Variants in ANKRD17 observed in about 807,000 individuals in gnomAD.
ANKRD17 encodes the protein ankyrin repeat domain-containing protein 17.
In ANKRD17, 19 loss-of-function variants were observed where a neutral mutation model predicts 229.7. That is an observed-to-expected ratio of 0.08 (90% CI 0.06 to 0.12). The LOEUF is 0.12. Ranked by LOEUF, ANKRD17 falls within the 10% of genes least tolerant of loss-of-function variation. The pLI, the probability that ANKRD17 is intolerant of heterozygous loss-of-function variation, is 1.00. For missense variants in ANKRD17, 2,176 were observed against 3,176.8 expected (o/e 0.68, Z 7.57); for synonymous variants, 1,112 against 1,146.1 (o/e 0.97, Z 0.60).
chr4:73,258,674 G>A lies in ANKRD17; in HGVS notation c.-6C>T. 2.0e-6 allele frequency: 3 copies of A among 1,466,690 alleles called. No individual in the cohort carries two copies. The highest frequency in any genetic ancestry group is 8.9e-7 in the Non-Finnish European group (1 of 1,118,702). 90.9% of individuals were successfully genotyped at this position (1,466,690 alleles called of 1,614,324 possible). A position where few individuals can be genotyped will look rare whatever the true frequency, so the allele number is the denominator to read the frequency against. ...GGAACCGTCGCCTTCTCCATCCCCA[G>A]GGAAAGAGGGAGGGCGCGGACGGGG... On this transcript the variant is annotated 5_prime_UTR_variant, in exon 1 of 34. Coordinates refer to ENST00000358602, the MANE Select transcript of ANKRD17 (RefSeq NM_032217.5).
chr4:73,178,739 C>T (rs1366521758), intron 1 of ANKRD17, among the ~76,000 whole-genome samples: 1 of 151,970 alleles, frequency 6.6e-6, no homozygotes, highest in Non-Finnish European at 1.5e-5. Context: ...TAAGTCTAGC[C>T]GATTCAAGTA....
chr4:73,120,869 A>C lies in ANKRD17; in HGVS notation c.3849+12T>G, dbSNP rs1006409929. The C allele has an allele frequency of 4.4e-6, 7 of 1,605,550 alleles. No individual in the cohort carries two copies. The African/African-American group carries it at 5.4e-5, about 12-fold the overall frequency. On this transcript the variant is annotated intron_variant, in intron 20 of 33. Coordinates refer to ENST00000358602, the MANE Select transcript of ANKRD17 (RefSeq NM_032217.5). The stretch of plus-strand genomic sequence containing the variant: ...CAATAAATTCATGTGTAAATCTCAG[A>C]CTTTTTCTTACCTTAGCTCTGTGTT...
chr4:73,077,575 T>A lies in ANKRD17; in HGVS notation c.7409-42A>T, dbSNP rs752171970. The A allele has an allele frequency of 5.4e-6, 8 of 1,475,018 alleles. No homozygotes were observed. The East Asian group carries it at 1.9e-4, about 36-fold the overall frequency. The allele number at this position is 1,475,018 out of a possible 1,614,324, so 91.4% of individuals were successfully genotyped here. ...AGGCAAAACAAAAATAGATAATATTTAAAATCAAAATCAAATATTTTGTTT... is the reference window on the plus strand; with the variant it reads ...AGGCAAAACAAAAATAGATAATATTAAAAATCAAAATCAAATATTTTGTTT... On this transcript the variant is annotated intron_variant, in intron 31 of 33. Coordinates refer to ENST00000358602, the MANE Select transcript of ANKRD17 (RefSeq NM_032217.5).
Position 73,077,103 on chromosome 4 carries a change from C to A in ANKRD17, c.7589G>T (p.Gly2530Val), listed in dbSNP as rs745349221. 1 of 1,561,340 alleles carries A rather than the reference C, an allele frequency of 6.4e-7. No individual in the cohort carries two copies. The highest frequency in any genetic ancestry group is 8.6e-7 in the Non-Finnish European group (1 of 1,156,420). ...AGYMDFPKVG[G>V]MPFSVYGNAM... is the part of the protein sequence containing the mutation. ...ATTCCCATACACAGAAAAAGGCATA[C>A]CCTTAAAAAAGGAAAACACACACAT... The change falls in exon 33 of 34, where the codon GGT becomes GTT. Residue 2530 changes from glycine to valine, a missense_variant and splice_region_variant. By Grantham distance (109) the Gly-to-Val change is moderately radical (BLOSUM62 -3). Coordinates refer to ENST00000358602, the MANE Select transcript of ANKRD17 (RefSeq NM_032217.5).
Position 73,121,794 on chromosome 4 carries a change from T to C in ANKRD17, c.3493-35A>G, listed in dbSNP as rs572230380. The C allele has an allele frequency of 1.1e-5, 17 of 1,554,314 alleles. No homozygotes were observed. In the South Asian group the frequency reaches 1.5e-4, roughly 14 times the overall value. On this transcript the variant is annotated intron_variant, in intron 18 of 33. Coordinates refer to ENST00000358602, the MANE Select transcript of ANKRD17 (RefSeq NM_032217.5). ...AAATAGAAAAAAATATGTTTTCTTA[T>C]GGAGAGACAAATTACCAAAGTGTGT...
chr4:73,148,706 C>T lies in ANKRD17; in HGVS notation c.1567+107G>A, dbSNP rs1047269542. 1.1e-5 allele frequency: 11 copies of T among 977,838 alleles called. No homozygotes were observed. The East Asian group carries it at 2.7e-4, about 24-fold the overall frequency. 60.6% of individuals were successfully genotyped at this position (977,838 alleles called of 1,614,324 possible). ...ACTTTATCACTGGTTTGTGTAATAG[C>T]TCATTGCAACTCTACTAGAAAGGTG... On this transcript the variant is annotated intron_variant, in intron 8 of 33. Transcript: ENST00000358602.
At chr4:73,108,893 T>A (rs1174625867) in intron 24 of ANKRD17, among the ~76,000 whole-genome samples, 1 of 152,224 alleles carries the variant, frequency 6.6e-6, no homozygotes, top group African/African-American at 2.4e-5. Context: ...CTGATGAGAA[T>A]GATTCAAGAG....
intron 1 of ANKRD17, among the ~76,000 whole-genome samples, chr4:73,192,352 A>C (rs901275265): frequency 6.6e-6 from 1 of 152,084 alleles, no homozygotes; most frequent in Non-Finnish European, 1.5e-5. Context: ...GAAGCAAAAA[A>C]AACAAAAACA....
chr4:73,206,743 A>T (rs948837240), intron 1 of ANKRD17, among the ~76,000 whole-genome samples: 2 of 152,224 alleles, frequency 1.3e-5, no homozygotes, highest in Non-Finnish European at 2.9e-5. Flanking sequence ...AAGAAGAAGA[A>T]GAAGTTCAAG....
intron 21 of ANKRD17, 150 bp from the exon 22 acceptor site, chr4:73,119,000 C>T (rs913092347): frequency 1.3e-5 from 10 of 776,074 alleles, no homozygotes; most frequent in African/African-American, 9.0e-5. Flanking sequence ...GATTCTCCTA[C>T]CTCAGCCTCC....
At chr4:73,121,883 C>T in intron 18 of ANKRD17, 124 bp from the exon 19 acceptor site, 1 of 991,638 alleles carries the variant, frequency 1.0e-6, no homozygotes. Flanking sequence ...TTCCTTCATG[C>T]TCTGCATAAA....
intron 22 of ANKRD17, among the ~76,000 whole-genome samples, chr4:73,117,893 T>A (rs113104704): frequency 2.4e-4 from 36 of 152,344 alleles, no homozygotes; most frequent in African/African-American, 7.9e-4. Context: ...TTGTTTTACT[T>A]TCACGGAATT....
rs1731048745 is a variant in ANKRD17, at chr4:73,151,936, C to T, written c.1235-412G>A. Among the ~76,000 whole-genome samples, 5 of 152,048 alleles carry T rather than the reference C, an allele frequency of 3.3e-5. No homozygotes were observed. The South Asian group carries it at 1.0e-3, about 31-fold the overall frequency. ...TCTGTGAGAAAATGTATTTAAAGTTCCAATACCTAACTCAGAAACACTTTA... is the reference window on the plus strand; with the variant it reads ...TCTGTGAGAAAATGTATTTAAAGTTTCAATACCTAACTCAGAAACACTTTA... On this transcript the variant is annotated intron_variant, in intron 6 of 33. Coordinates refer to ENST00000358602, the MANE Select transcript of ANKRD17 (RefSeq NM_032217.5).
intron 1 of ANKRD17, among the ~76,000 whole-genome samples, chr4:73,203,888 A>T (rs1739052696): frequency 6.6e-6 from 1 of 152,114 alleles, no homozygotes; most frequent in East Asian, 1.9e-4. Context: ...AAGTGCACCA[A>T]GGCACATCAC....
chr4:73,084,408 C>T (rs1163267221), intron 30 of ANKRD17, among the ~76,000 whole-genome samples: 1 of 151,380 alleles, frequency 6.6e-6, no homozygotes, highest in Non-Finnish European at 1.5e-5. Context: ...TTAAAAAACA[C>T]ATGTGATAAT....
intron 1 of ANKRD17, among the ~76,000 whole-genome samples, chr4:73,178,514 A>G (rs570471025): frequency 1.3e-5 from 2 of 152,248 alleles, no homozygotes; most frequent in East Asian, 3.9e-4. Flanking sequence ...GTGGTAGTGA[A>G]GAATACAATC....
At chr4:73,205,283 A>G (rs1739291843) in intron 1 of ANKRD17, among the ~76,000 whole-genome samples, 1 of 152,136 alleles carries the variant, frequency 6.6e-6, no homozygotes, top group African/African-American at 2.4e-5. Context: ...ATGCCACTGC[A>G]CTCCAGCCTG....
At chr4:73,117,269 T>C (rs1475298292) in intron 22 of ANKRD17, among the ~76,000 whole-genome samples, 1 of 152,036 alleles carries the variant, frequency 6.6e-6, no homozygotes, top group African/African-American at 2.4e-5. Flanking sequence ...ATGTGAGAGA[T>C]AGGAACAAGG....
intron 1 of ANKRD17, among the ~76,000 whole-genome samples, chr4:73,241,560 T>C (rs1376609255): frequency 1.3e-5 from 2 of 152,102 alleles, no homozygotes; most frequent in East Asian, 1.9e-4. Context: ...TACTAAACTA[T>C]AAAAAGATCA....
Sources: gnomAD v4.1 joint callset for allele counts (sites outside exome capture counted in the v4.1 genomes callset) on GRCh38, gnomAD v4.1.1 for gene constraint, MANE v1.5 for transcripts, NCBI Gene and HGNC (gene_info 2026-07-23, HGNC 2026-07-21) for gene names.